PLEKHA6: variants seen among roughly 807,000 people sequenced by gnomAD.
The protein encoded by PLEKHA6 is pleckstrin homology domain containing A6.
A neutral mutation model predicts 116.7 loss-of-function variants in PLEKHA6; 60 were observed. That is an observed-to-expected ratio of 0.51 (90% CI 0.42 to 0.64). The LOEUF (loss-of-function observed/expected upper bound fraction) is 0.64. Among genes scored for constraint, PLEKHA6 ranks in the 30% least tolerant of loss-of-function variants. The probability of loss-of-function intolerance (pLI) is 0.00; values close to 1 mark genes in which losing one functional copy is unlikely to be tolerated. For missense variants in PLEKHA6, 1,338 were observed against 1,422.7 expected (o/e 0.94, Z 0.96); for synonymous variants, 489 against 556.1 (o/e 0.88, Z 1.70).
chr1:204,288,194 C>T (rs190151812), intron 1 of PLEKHA6, among the ~76,000 whole-genome samples: 58 of 152,236 alleles, frequency 3.8e-4, no homozygotes, highest in African/African-American at 1.4e-3. Context: ...TAATACTCAC[C>T]AGGTCCCTGG....
At chr1:204,239,444 C>G (rs1662498846) in intron 17 of PLEKHA6, among the ~76,000 whole-genome samples, 1 of 152,216 alleles carries the variant, frequency 6.6e-6, no homozygotes, top group African/African-American at 2.4e-5. Flanking sequence ...GGTTTGTCCT[C>G]ACTGGAATAG....
chr1:204,372,535 C>T (rs1301946891), intron 1 of PLEKHA6, among the ~76,000 whole-genome samples: 1 of 152,196 alleles, frequency 6.6e-6, no homozygotes, highest in Non-Finnish European at 1.5e-5. Flanking sequence ...GGACAAGACT[C>T]TACTCAATGT....
At chr1:204,265,118 G>GT in intron 5 of PLEKHA6, 76 bp from the exon 6 acceptor site, 1 of 984,738 alleles carries the variant, frequency 1.0e-6, no homozygotes, top group South Asian at 1.3e-5. Context: ...GTGGGGAGGA[G>GT]TGTGTTGTCC....
At chr1:204,309,547 T>C (rs1236594501) in intron 1 of PLEKHA6, 9 of 157,142 alleles carry the variant, frequency 5.7e-5, no homozygotes, top group Non-Finnish European at 8.3e-5. Flanking sequence ...GGCTACACCA[T>C]AAAGCCTACG....
chr1:204,348,055 G>A (rs1447255979), intron 1 of PLEKHA6, among the ~76,000 whole-genome samples: 1 of 152,000 alleles, frequency 6.6e-6, no homozygotes, highest in Non-Finnish European at 1.5e-5. Context: ...ATTCCTAGTC[G>A]CACACACCCA....
chr1:204,285,487 T>TTTTG (rs748635782), intron 1 of PLEKHA6, among the ~76,000 whole-genome samples: 20 of 151,796 alleles, frequency 1.3e-4, no homozygotes, highest in Non-Finnish European at 1.8e-4. Context: ...TTGTTTTTGT[T>TTTTG]TTTTTTGAGA....
intron 14 of PLEKHA6, 112 bp downstream of exon 14, chr1:204,245,503 C>T: frequency 1.5e-6 from 1 of 684,432 alleles, no homozygotes; most frequent in Non-Finnish European, 2.6e-6. Flanking sequence ...CAAGAAGGCC[C>T]TGCCTGGCTC....
At chr1:204,349,235 C>CAG (rs1673188517) in intron 1 of PLEKHA6, among the ~76,000 whole-genome samples, 1 of 152,194 alleles carries the variant, frequency 6.6e-6, no homozygotes, top group Non-Finnish European at 1.5e-5. Flanking sequence ...CTTTCTCTCC[C>CAG]TATAAGAATC....
chr1:204,327,929 G>A (rs1672299464), intron 1 of PLEKHA6, among the ~76,000 whole-genome samples: 1 of 152,186 alleles, frequency 6.6e-6, no homozygotes, highest in Admixed American at 6.5e-5. Context: ...GTTTCTGAAA[G>A]CCAGTTCCCT....
chr1:204,331,403 C>T (rs1480089222), intron 1 of PLEKHA6, among the ~76,000 whole-genome samples: 1 of 152,006 alleles, frequency 6.6e-6, no homozygotes, highest in Non-Finnish European at 1.5e-5. Flanking sequence ...CCAGCCCAGC[C>T]CAGCGACCCA....
chr1:204,342,655 G>A (rs186110675), intron 1 of PLEKHA6, among the ~76,000 whole-genome samples: 1 of 152,326 alleles, frequency 6.6e-6, no homozygotes, highest in Non-Finnish European at 1.5e-5. Flanking sequence ...TGAAGACCAA[G>A]GATTTAGAGA....
At chr1:204,326,985 G>A in intron 1 of PLEKHA6, 16 of 985,300 alleles carry the variant, frequency 1.6e-5, no homozygotes, top group Non-Finnish European at 1.9e-5. Flanking sequence ...GCTGGGTACG[G>A]CAGCCTCTGT....
rs527576965 is a variant in PLEKHA6 at position 204,300,899 on chromosome 1, A to G, written c.-94-26090T>C. The stretch of plus-strand genomic sequence containing the variant: ...CGCAATGCTTTCATAGCATTCCAAA[A>G]CCTACAAATGTCTGAACTGAAAGTT... On this transcript the variant is annotated intron_variant, in intron 1 of 22. Coordinates refer to ENST00000272203, the MANE Select transcript of PLEKHA6 (RefSeq NM_014935.5). Among the ~76,000 whole-genome samples, 4 of 152,276 alleles carry G rather than the reference A, an allele frequency of 2.6e-5. No homozygotes were observed. The South Asian group carries it at 8.3e-4, about 32-fold the overall frequency.
rs1360864092 is a variant in PLEKHA6, at chr1:204,230,447, G to A, written c.2549C>T (p.Ala850Val). Residue 850 changes from alanine to valine, a missense_variant, in exon 18 of 23, where the codon GCC becomes GTC. By Grantham distance (64) the Ala-to-Val change is moderately conservative. This residue lies in a region of PLEKHA6 where 1,136 missense variants were observed against 1,163.6 expected (regional missense o/e 0.98). Coordinates refer to ENST00000272203, the MANE Select transcript of PLEKHA6 (RefSeq NM_014935.5). ...GGCTGGCCGGGGACTGGGGTCGGGGGCCGGGCTGGCCGGGAGCTGCAGGCT... is the reference window on the plus strand; with the variant it reads ...GGCTGGCCGGGGACTGGGGTCGGGGACCGGGCTGGCCGGGAGCTGCAGGCT... Reference protein sequence around the residue: ...RRSLQLPASPAPDPSPRPAYK... With the variant: ...RRSLQLPASPVPDPSPRPAYK... 1.3e-5 allele frequency: 20 copies of A among 1,581,450 alleles called. No homozygotes were observed. Among genetic ancestry groups the A allele is most frequent in the Non-Finnish European group, 1.6e-5 (19 of 1,164,052 alleles).
chr1:204,296,840 CCTT>C (rs1257892180), intron 1 of PLEKHA6, among the ~76,000 whole-genome samples: 2 of 152,214 alleles, frequency 1.3e-5, no homozygotes, highest in African/African-American at 2.4e-5. Flanking sequence ...CTGTTCCCCT[CCTT>C]CTCCTTCCAG....
chr1:204,243,121 C>T (rs1332733186), intron 15 of PLEKHA6: 2 of 399,244 alleles, frequency 5.0e-6, no homozygotes, highest in Non-Finnish European at 8.8e-6. Flanking sequence ...TACCTGCCCC[C>T]TGGCTGTCTC....
chr1:204,224,105 T>C (rs1660001654), intron 21 of PLEKHA6, among the ~76,000 whole-genome samples: 1 of 152,134 alleles, frequency 6.6e-6, no homozygotes, highest in Non-Finnish European at 1.5e-5. Context: ...TCTGTCAACT[T>C]GGCACAGTCA....
At chr1:204,325,593 C>A (rs960859629) in intron 1 of PLEKHA6, among the ~76,000 whole-genome samples, 1 of 152,186 alleles carries the variant, frequency 6.6e-6, no homozygotes, top group Non-Finnish European at 1.5e-5. Context: ...TCAGCACACA[C>A]GTTACTGTGG....
Position 204,229,025 on chromosome 1 carries a change from T to C in PLEKHA6, c.2663A>G (p.His888Arg), listed in dbSNP as rs773428693. The C allele has an allele frequency of 6.2e-7, 1 of 1,614,054 alleles. No individual in the cohort carries two copies. The highest frequency in any genetic ancestry group is 1.1e-5 in the South Asian group (1 of 91,088). The stretch of plus-strand genomic sequence containing the variant: ...TTCCTCCCGGGGTGTCTCGTAGGCA[T>C]GCCCGCCAGGCTCCTCTGCCCGCAG... ...AALRAEEPGG[H>R]AYETPREEIA... The change falls in exon 19 of 23, where the codon CAT becomes CGT. Residue 888 changes from histidine (H) to arginine (R), a missense_variant. Transcript: ENST00000272203.
Sources: allele counts gnomAD v4.1 joint callset (sites outside exome capture counted in the v4.1 genomes callset), GRCh38; gene constraint gnomAD v4.1.1; regional missense constraint gnomAD v4.1.1; transcripts MANE v1.5; gene names NCBI Gene and HGNC (gene_info 2026-07-23, HGNC 2026-07-21).